Variants in SLC12A2 observed in about 807,000 individuals in gnomAD.
The protein encoded by SLC12A2 is Na-K-2Cl cotransporter 1.
SLC12A2 carries 67 observed loss-of-function variants against 136.3 expected under a neutral mutation model. The observed-to-expected ratio is 0.49, with a 90% CI of 0.40 to 0.60. The LOEUF is 0.60. Among genes scored for constraint, SLC12A2 ranks in the 20% least tolerant of loss-of-function variants. The pLI, the probability that SLC12A2 is intolerant of heterozygous loss-of-function variation, is 0.00. For synonymous variants in SLC12A2, 619 were observed against 562.9 expected (o/e 1.10, Z -1.41); for missense variants, 1,322 against 1,534.7 (o/e 0.86, Z 2.32).
chr5:128,139,091 TTATC>T (rs1762273228), intron 9 of SLC12A2, among the ~76,000 whole-genome samples, 183 bp downstream of exon 9: 2 of 152,290 alleles, frequency 1.3e-5, no homozygotes, highest in South Asian at 4.1e-4. Flanking sequence ...TCTATAGACA[TTATC>T]TAAACCGCCA....
chr5:128,129,283 G>A (rs1376241406), intron 4 of SLC12A2, among the ~76,000 whole-genome samples: 2 of 151,970 alleles, frequency 1.3e-5, no homozygotes, highest in Non-Finnish European at 2.9e-5. Context: ...GTTAGATAAA[G>A]GCTGATAATT....
At chr5:128,088,609 T>C (rs958732490) in intron 1 of SLC12A2, among the ~76,000 whole-genome samples, 1 of 152,200 alleles carries the variant, frequency 6.6e-6, no homozygotes, top group African/African-American at 2.4e-5. Context: ...TTTTGACTGC[T>C]AAACCATAAT....
intron 4 of SLC12A2, among the ~76,000 whole-genome samples, chr5:128,115,403 G>A (rs1252289336): frequency 6.6e-6 from 1 of 152,130 alleles, no homozygotes; most frequent in African/African-American, 2.4e-5. Context: ...GGGATTACAG[G>A]TGTGAGCCAC....
rs1356418620 is a variant in SLC12A2, at chr5:128,189,336, T to A, written c.*2705T>A. 6.6e-6 allele frequency: 1 copy of A among 152,192 alleles called. No homozygotes were observed. Among genetic ancestry groups the A allele is most frequent in the African/African-American group, 2.4e-5 (1 of 41,460 alleles). 9.4% of individuals were successfully genotyped at this position (152,192 alleles called of 1,614,324 possible). On this transcript the variant is annotated 3_prime_UTR_variant, in exon 27 of 27. Transcript: ENST00000262461. ...TGACAGTTCATTATTCCTATAAGAA[T>A]TAAATTGAGTTTAGAGAGAATGGTG...
intron 10 of SLC12A2, among the ~76,000 whole-genome samples, chr5:128,145,543 C>T (rs1015832303): frequency 6.6e-6 from 1 of 152,062 alleles, no homozygotes; most frequent in Non-Finnish European, 1.5e-5. Flanking sequence ...TATGTAACTA[C>T]TAAATTGTTA....
At position 128,144,554 on chromosome 5, in the gene SLC12A2, T is replaced by C. The variant is rs542095156; in HGVS notation, c.1773+2573T>C. Reference sequence around the variant, plus strand: ...CTTGCTATATTTCTACATTTTAATGTCCTCTAAAACCTTTGACTCACTGTT... The same window carrying C: ...CTTGCTATATTTCTACATTTTAATGCCCTCTAAAACCTTTGACTCACTGTT... On this transcript the variant is annotated intron_variant, in intron 10 of 26. Transcript: ENST00000262461. 1.6e-4 allele frequency among the ~76,000 whole-genome samples: 24 copies of C among 152,294 alleles called. No individual in the cohort carries two copies. The South Asian group carries it at 4.8e-3, about 30-fold the overall frequency.
chr5:128,182,929 C>T lies in SLC12A2; in HGVS notation c.3287C>T (p.Pro1096Leu). Residue 1096 changes from proline (P) to leucine (L), a missense_variant, in exon 24 of 27, where the codon CCA becomes CTA. Pro to Leu is a moderately conservative substitution (Grantham distance 98). Transcript: ENST00000262461. Reference sequence around the variant, plus strand: ...GTTCTAGGAGATATCAATACCAAACCAAAGAAAGAAAAGTAAGTTACTCTA... The same window carrying T: ...GTTCTAGGAGATATCAATACCAAACTAAAGAAAGAAAAGTAAGTTACTCTA... ...IMVLGDINTK[P>L]KKENIIAFEE... 6.2e-7 allele frequency: 1 copy of T among 1,603,982 alleles called. No homozygotes were observed. Among genetic ancestry groups the T allele is most frequent in the Non-Finnish European group, 8.5e-7 (1 of 1,173,246 alleles).
In SLC12A2 at chr5:128,102,589, C is replaced by A. The variant is rs1256866091; in HGVS notation, c.757-10225C>A. ...TGTGTCTTTCTGTAATTCACCCCCC[C>A]CCCCGCCTTTTTTTTTTTTTTTTTT... On this transcript the variant is annotated intron_variant, in intron 1 of 26. Transcript: ENST00000262461. Among the ~76,000 whole-genome samples the A allele has an allele frequency of 2.9e-5, 4 of 136,060 alleles. 1 individual carries two copies. Among genetic ancestry groups the A allele is most frequent in the Admixed American group, 1.5e-4 (2 of 13,276 alleles). The allele number at this position is 136,060 out of a possible 152,430, so 89.3% of individuals were successfully genotyped here.
At chr5:128,110,998 T>C (rs1761123340) in intron 1 of SLC12A2, 1 of 748,330 alleles carries the variant, frequency 1.3e-6, no homozygotes, top group Non-Finnish European at 2.5e-6. Context: ...TGAACTCTGA[T>C]ATGCAAAATA....
chr5:128,087,554 C>T (rs995026776), intron 1 of SLC12A2, among the ~76,000 whole-genome samples: 93 of 152,032 alleles, frequency 6.1e-4, no homozygotes, highest in African/African-American at 2.1e-3. Flanking sequence ...AAAGGGACAG[C>T]GCACATGAAG....
intron 24 of SLC12A2, among the ~76,000 whole-genome samples, chr5:128,183,862 C>T (rs563487217): frequency 1.3e-5 from 2 of 151,808 alleles, no homozygotes; most frequent in Non-Finnish European, 2.9e-5. Context: ...TAAGGGGAGG[C>T]GGGGTAGATA....
chr5:128,158,076 G>A lies in SLC12A2; in HGVS notation c.2387G>A (p.Gly796Asp). ...AGGCCACAGTGTCTTGTTATGACAG[G>A]TGCTCCAAACTCACGTCCAGCTTTA... is the stretch of plus-strand genomic sequence containing the variant. ...NFRPQCLVMTGAPNSRPALLH... is the reference protein window; with the variant it reads ...NFRPQCLVMTDAPNSRPALLH... The change falls in exon 16 of 27, where the codon GGT becomes GAT. Residue 796 changes from glycine (G) to aspartate (D), a missense_variant. By Grantham distance (94) the Gly-to-Asp change is moderately conservative (BLOSUM62 -1). Transcript: ENST00000262461. The A allele has an allele frequency of 1.9e-6, 3 of 1,613,230 alleles. No homozygotes were observed. Among genetic ancestry groups the A allele is most frequent in the Non-Finnish European group, 2.5e-6 (3 of 1,179,634 alleles).
At chr5:128,109,821 T>C (rs1761079648) in intron 1 of SLC12A2, 3 of 793,198 alleles carry the variant, frequency 3.8e-6, no homozygotes, top group Non-Finnish European at 6.9e-6. Flanking sequence ...AAGATGGGAG[T>C]TAAATTCCAA....
In SLC12A2 at chr5:128,187,544, A is replaced by G. The variant is rs1763906995; in HGVS notation, c.*913A>G. On this transcript the variant is annotated 3_prime_UTR_variant, in exon 27 of 27. Coordinates refer to ENST00000262461, the MANE Select transcript of SLC12A2 (RefSeq NM_001046.3). Reference sequence around the variant, plus strand: ...TTCTGGAGGAAATTTAGACAAAACAATGTCATTTAGTAGAATATTTCAGTA... The same window carrying G: ...TTCTGGAGGAAATTTAGACAAAACAGTGTCATTTAGTAGAATATTTCAGTA... 1 of 152,176 alleles carries G rather than the reference A, an allele frequency of 6.6e-6. No individual in the cohort carries two copies. Among genetic ancestry groups the G allele is most frequent in the Non-Finnish European group, 1.5e-5 (1 of 67,992 alleles). The allele number at this position is 152,176 out of a possible 1,614,324, so 9.4% of individuals were successfully genotyped here.
Position 128,084,796 on chromosome 5 carries a change from G to A in SLC12A2, c.756+86G>A. On this transcript the variant is annotated intron_variant, in intron 1 of 26. Coordinates refer to ENST00000262461, the MANE Select transcript of SLC12A2 (RefSeq NM_001046.3). The surrounding 1 kb of genome is among the most constrained non-coding windows in gnomAD (Gnocchi z 5.6). ...GGCTGCAGACTCTTCCCGAGTTGAG[G>A]TGGCGGGAGTAGTAGACGTGCACGA... The A allele has an allele frequency of 1.4e-6, 2 of 1,397,146 alleles. No individual in the cohort carries two copies. Among genetic ancestry groups the A allele is most frequent in the African/African-American group, 1.4e-5 (1 of 69,366 alleles). The allele number at this position is 1,397,146 out of a possible 1,614,324, so 86.5% of individuals were successfully genotyped here.
intron 1 of SLC12A2, among the ~76,000 whole-genome samples, chr5:128,111,665 T>G (rs938626381): frequency 1.0e-4 from 15 of 150,728 alleles, no homozygotes; most frequent in African/African-American, 3.7e-4. Flanking sequence ...CTCGGGAGGC[T>G]GAGGCAGGAG....
At chr5:128,162,468 C>G (rs932562195) in intron 17 of SLC12A2, among the ~76,000 whole-genome samples, 2 of 151,724 alleles carry the variant, frequency 1.3e-5, no homozygotes, top group East Asian at 3.9e-4. Context: ...ATTTAAAAGG[C>G]AAATTTGTTT....
intron 17 of SLC12A2, among the ~76,000 whole-genome samples, chr5:128,165,882 C>T (rs1442250986): frequency 2.1e-5 from 3 of 145,162 alleles, no homozygotes; most frequent in Middle Eastern, 4.0e-3. Flanking sequence ...CTTTAAAAAG[C>T]TATCAACCTA....
At chr5:128,131,011 G>T (rs554682249) in intron 4 of SLC12A2, 56 bp from the exon 5 acceptor site, 38 of 1,537,506 alleles carry the variant, frequency 2.5e-5, no homozygotes, top group Non-Finnish European at 3.2e-5. Flanking sequence ...GGATAATTTG[G>T]CATTTTAAAT....
Sources: gnomAD v4.1 joint callset for allele counts (sites outside exome capture counted in the v4.1 genomes callset) on GRCh38, gnomAD v4.1.1 for gene constraint, Gnocchi (gnomAD v3.1) non-coding constraint, MANE v1.5 for transcripts, NCBI Gene and HGNC (gene_info 2026-07-23, HGNC 2026-07-21) for gene names.